LRRK1: variants seen among roughly 807,000 people sequenced by gnomAD.
The protein encoded by LRRK1 is leucine rich repeat kinase 1.
A neutral mutation model predicts 209.1 loss-of-function variants in LRRK1; 113 were observed. That is an observed-to-expected ratio of 0.54 (90% CI 0.46 to 0.63). The LOEUF is 0.63. Among genes scored for constraint, LRRK1 ranks in the 30% least tolerant of loss-of-function variants. LRRK1 has a pLI of 0.00. For missense variants in LRRK1, 2,284 were observed against 2,632.2 expected (o/e 0.87, Z 2.89); for synonymous variants, 1,144 against 1,099.7 (o/e 1.04, Z -0.80).
rs2035226151 is a variant in LRRK1 at position 101,048,765 on chromosome 15, G to GT, written c.3299+109dup. ...CCTCTTGGTGTCCAGAATTTTGCTC[G>GT]TGAGAGCGGCTCGTCATGGCAGCTT... is the stretch of plus-strand genomic sequence containing the variant. On this transcript the variant is annotated intron_variant, in intron 22 of 33. Coordinates refer to ENST00000388948, the MANE Select transcript of LRRK1 (RefSeq NM_024652.6). The GT allele has an allele frequency of 1.2e-5, 11 of 937,084 alleles. No homozygotes were observed. The South Asian group carries it at 2.2e-4, about 19-fold the overall frequency. 58.0% of individuals were successfully genotyped at this position (937,084 alleles called of 1,614,324 possible). A position where few individuals can be genotyped will look rare whatever the true frequency, so the allele number is the denominator to read the frequency against.
chr15:100,961,092 A>G (rs895914995), intron 2 of LRRK1, among the ~76,000 whole-genome samples: 7 of 152,198 alleles, frequency 4.6e-5, no homozygotes, highest in East Asian at 1.9e-4. Flanking sequence ...TGGGAGGTCT[A>G]TGGCTGAGGG....
Position 100,989,244 on chromosome 15 carries a change from C to G in LRRK1, c.614-6C>G. On this transcript the variant is annotated splice_region_variant and splice_polypyrimidine_tract_variant and intron_variant, in intron 5 of 33. Coordinates refer to ENST00000388948, the MANE Select transcript of LRRK1 (RefSeq NM_024652.6). ...TGCCCTTAGCTTTTTGGTTTTGTTCCTTTAGGGAATGAAGACATTGCAATA... is the reference window on the plus strand; with the variant it reads ...TGCCCTTAGCTTTTTGGTTTTGTTCGTTTAGGGAATGAAGACATTGCAATA... 6.2e-7 allele frequency: 1 copy of G among 1,613,292 alleles called. No individual in the cohort carries two copies. The highest frequency in any genetic ancestry group is 1.1e-5 in the South Asian group (1 of 90,982).
At chr15:100,956,428 C>T (rs1452739578) in intron 2 of LRRK1, among the ~76,000 whole-genome samples, 1 of 85,592 alleles carries the variant, frequency 1.2e-5, no homozygotes, top group African/African-American at 5.6e-5. Context: ...AAAACTCTTA[C>T]TTTCGCTTTT....
chr15:100,960,208 T>C (rs1382283047), intron 2 of LRRK1, among the ~76,000 whole-genome samples: 2 of 151,774 alleles, frequency 1.3e-5, no homozygotes, highest in African/African-American at 2.4e-5. Flanking sequence ...GTCTGTGCAT[T>C]ATAATTGTCA....
chr15:101,060,640 A>T (rs1269830310), intron 29 of LRRK1, among the ~76,000 whole-genome samples: 2 of 152,258 alleles, frequency 1.3e-5, no homozygotes, highest in Non-Finnish European at 2.9e-5. Flanking sequence ...TCTGCCATGC[A>T]GTGAGTGCTC....
At chr15:101,066,390 C>T (rs936596982) in intron 32 of LRRK1, among the ~76,000 whole-genome samples, 185 bp downstream of exon 32, 1 of 152,176 alleles carries the variant, frequency 6.6e-6, no homozygotes, top group Non-Finnish European at 1.5e-5. Context: ...TAAGAGTGGC[C>T]GCACAAAAGC....
Position 101,074,850 on chromosome 15 carries a change from G to T in LRRK1, c.*6002G>T, listed in dbSNP as rs1034426276. The T allele has an allele frequency of 6.6e-6, 1 of 151,948 alleles. No homozygotes were observed. Among genetic ancestry groups the T allele is most frequent in the Non-Finnish European group, 1.5e-5 (1 of 68,010 alleles). The allele number at this position is 151,948 out of a possible 1,614,324, so 9.4% of individuals were successfully genotyped here. ...CTGGCCACCAGGCCAAGGAATGCCT[G>T]CAGCCCAGGATTCCTCCTAAGCCGT... On this transcript the variant is annotated 3_prime_UTR_variant, in exon 34 of 34. Transcript: ENST00000388948.
Position 101,021,097 on chromosome 15 carries a change from G to A in LRRK1, c.1654G>A (p.Val552Ile), listed in dbSNP as rs776409174. The change falls in exon 13 of 34, where the codon GTC (valine) becomes ATC (isoleucine). Residue 552 changes from valine (V) to isoleucine (I), a missense_variant. By Grantham distance (29) the Val-to-Ile change is conservative. This residue lies in a region of LRRK1 where 494 missense variants were observed against 522.1 expected (regional missense o/e 0.95). Transcript: ENST00000388948. ...FPAFLSESLE[V>I]LCLNDNHLDT... ...GGCCTTCCTAAGTGAGTCTTTGGAA[G>A]TCCTTTGCCTGAACGACAACCACCT... 4 of 1,614,194 alleles carry A rather than the reference G, an allele frequency of 2.5e-6. No individual in the cohort carries two copies. The highest frequency in any genetic ancestry group is 3.4e-6 in the Non-Finnish European group (4 of 1,180,022).
At chr15:100,990,693 G>T (rs1038307964) in intron 6 of LRRK1, among the ~76,000 whole-genome samples, 1 of 129,468 alleles carries the variant, frequency 7.7e-6, no homozygotes, top group Non-Finnish European at 1.6e-5. Context: ...CTAAAGGATT[G>T]TTTGTCTTTT....
At chr15:100,946,652 C>A (rs2042545025) in intron 2 of LRRK1, among the ~76,000 whole-genome samples, 1 of 152,150 alleles carries the variant, frequency 6.6e-6, no homozygotes, top group Non-Finnish European at 1.5e-5. Flanking sequence ...CTAATATGTG[C>A]TGTAACAAAT....
intron 29 of LRRK1, among the ~76,000 whole-genome samples, chr15:101,059,492 T>C (rs1309610845): frequency 6.6e-6 from 1 of 152,230 alleles, no homozygotes; most frequent in Non-Finnish European, 1.5e-5. Context: ...AACATATTAA[T>C]TAAACAGGTT....
intron 20 of LRRK1, among the ~76,000 whole-genome samples, chr15:101,042,531 G>A (rs2034815917): frequency 6.6e-6 from 1 of 151,836 alleles, no homozygotes; most frequent in Non-Finnish European, 1.5e-5. Flanking sequence ...ATCCTCCTGT[G>A]GCTTTTACTG....
chr15:101,032,829 A>G (rs916764661), intron 20 of LRRK1, among the ~76,000 whole-genome samples: 7 of 152,110 alleles, frequency 4.6e-5, no homozygotes, highest in Non-Finnish European at 8.8e-5. Context: ...TCAGGACTCT[A>G]TTTTGTTCCA....
chr15:100,994,759 A>G (rs1001132515), intron 6 of LRRK1, among the ~76,000 whole-genome samples: 3 of 152,314 alleles, frequency 2.0e-5, no homozygotes, highest in Admixed American at 6.5e-5. Context: ...TTCAGAGGCA[A>G]GTACCTTGGA....
At position 101,026,104 on chromosome 15, in the gene LRRK1, C is replaced by T. The variant is rs1167430688; in HGVS notation, c.2372C>T (p.Thr791Ile). ...CGCTCCCCCTCCGGCTCCAGGGCCACAGGCTTCCCAGACATCACCTTCAAA... is the reference window on the plus strand; with the variant it reads ...CGCTCCCCCTCCGGCTCCAGGGCCATAGGCTTCCCAGACATCACCTTCAAA... ...LCRSPSGSRA[T>I]GFPDITFKHL... The change falls in exon 17 of 34, where the codon ACA (threonine) becomes ATA (isoleucine). Residue 791 changes from threonine (T) to isoleucine (I), a missense_variant. Thr to Ile is a moderately conservative substitution (Grantham distance 89, BLOSUM62 -1). Transcript: ENST00000388948. 6.2e-7 allele frequency: 1 copy of T among 1,614,152 alleles called. No homozygotes were observed. The highest frequency in any genetic ancestry group is 2.2e-5 in the East Asian group (1 of 44,898).
intron 3 of LRRK1, among the ~76,000 whole-genome samples, chr15:100,981,831 G>T (rs930602869): frequency 1.3e-5 from 2 of 152,080 alleles, no homozygotes; most frequent in African/African-American, 4.8e-5. Flanking sequence ...CCTTTCCTGG[G>T]GGCTCCATTT....
intron 2 of LRRK1, among the ~76,000 whole-genome samples, chr15:100,955,701 T>G (rs772185545): frequency 1.2e-4 from 11 of 88,504 alleles, no homozygotes; most frequent in Non-Finnish European, 1.6e-4. Flanking sequence ...TTTGAAAGGA[T>G]GTTGAATTTT....
At chr15:100,994,395 G>C (rs576717974) in intron 6 of LRRK1, among the ~76,000 whole-genome samples, 1 of 152,138 alleles carries the variant, frequency 6.6e-6, no homozygotes, top group Non-Finnish European at 1.5e-5. Context: ...CGTGAGACCC[G>C]GCATGAGGAG....
intron 2 of LRRK1, among the ~76,000 whole-genome samples, chr15:100,965,658 C>T (rs2030403275): frequency 1.3e-5 from 2 of 152,082 alleles, no homozygotes; most frequent in Admixed American, 1.3e-4. Context: ...TACTTCTAAC[C>T]ACTGCCTTTA....
Sources: allele counts gnomAD v4.1 joint callset (sites outside exome capture counted in the v4.1 genomes callset), GRCh38; gene constraint gnomAD v4.1.1; regional missense constraint gnomAD v4.1.1; transcripts MANE v1.5; gene names NCBI Gene and HGNC (gene_info 2026-07-23, HGNC 2026-07-21).